The following APOB variants were observed in gnomAD, a reference collection of about 807,000 sequenced individuals.
APOB encodes apolipoprotein B-100.
Under a neutral mutation model 314.1 loss-of-function variants are expected in APOB, and 153 were observed. The observed-to-expected ratio is 0.49, with a 90% CI of 0.43 to 0.56. The LOEUF (loss-of-function observed/expected upper bound fraction) is 0.56, where lower values mean the gene tolerates loss of function less well. Among genes scored for constraint, APOB ranks in the 20% least tolerant of loss-of-function variants. APOB has a pLI of 0.00. For missense variants in APOB, 5,430 were observed against 5,350.7 expected (o/e 1.01, Z -0.46); for synonymous variants, 2,087 against 2,036.4 (o/e 1.02, Z -0.67).
chr2:21,011,190 C>A lies in APOB; in HGVS notation c.5678G>T (p.Ser1893Ile). The change falls in exon 26 of 29, where the codon AGC (serine) becomes ATC (isoleucine). Residue 1893 changes from serine to isoleucine, a missense_variant. Around this residue, in one of 3 missense-constraint regions of APOB, gnomAD observed 3,281 missense variants for 3,171.0 expected, o/e 1.03. Coordinates refer to ENST00000233242, the MANE Select transcript of APOB (RefSeq NM_000384.3). ...GGCCATTACAGAACGGAAGACATTG[C>A]TGAAATGCAGTGAGTCTGAATTATA... ...TNYNSDSLHF[S>I]NVFRSVMAPF... 1.2e-6 allele frequency: 2 copies of A among 1,614,148 alleles called. No individual in the cohort carries two copies. The highest frequency in any genetic ancestry group is 1.7e-6 in the Non-Finnish European group (2 of 1,180,022).
rs1289350531 is a variant in APOB, at chr2:21,006,622, A to G, written c.10246T>C (p.Leu3416=). 12 of 1,613,946 alleles carry G rather than the reference A, an allele frequency of 7.4e-6. No individual in the cohort carries two copies. The highest frequency in any genetic ancestry group is 1.0e-5 in the Non-Finnish European group (12 of 1,179,976). The change falls in exon 26 of 29, where the codon TTA becomes CTA. Residue 3416 remains leucine (L), a synonymous_variant. Coordinates refer to ENST00000233242, the MANE Select transcript of APOB (RefSeq NM_000384.3). ...VEGSHNSTVS[L]TTKNMEVSVA... Reference sequence around the variant, plus strand: ...GACACTTCCATATTTTTCGTGGTTAAGCTCACAGTACTGTTATGACTACCC... The same window carrying G: ...GACACTTCCATATTTTTCGTGGTTAGGCTCACAGTACTGTTATGACTACCC...
Position 21,014,971 on chromosome 2 carries a change from T to C in APOB, c.3696+102A>G. On this transcript the variant is annotated intron_variant, in intron 23 of 28. Coordinates refer to ENST00000233242, the MANE Select transcript of APOB (RefSeq NM_000384.3). The stretch of plus-strand genomic sequence containing the variant: ...AGAATTCCCTGGGGGGAAGGAAGCA[T>C]GCCTTATACATCTTTGGAAACCTTC... 3 of 1,229,126 alleles carry C rather than the reference T, an allele frequency of 2.4e-6. No individual in the cohort carries two copies. In the East Asian group the frequency reaches 7.0e-5, roughly 29 times the overall value. 76.1% of individuals were successfully genotyped at this position (1,229,126 alleles called of 1,614,324 possible).
intron 13 of APOB, 95 bp downstream of exon 13, chr2:21,028,232 A>G (rs768957028): frequency 8.0e-7 from 1 of 1,248,222 alleles, no homozygotes; most frequent in Non-Finnish European, 1.2e-6. Flanking sequence ...TGTTTGTTTC[A>G]GAAGCAAGGG....
At chr2:21,021,270 C>A (rs1663600080) in intron 18 of APOB, among the ~76,000 whole-genome samples, 1 of 152,168 alleles carries the variant, frequency 6.6e-6, no homozygotes, top group Non-Finnish European at 1.5e-5. Context: ...CCCAGTTAAT[C>A]ACCCAGTACT....
chr2:21,009,693 T>C lies in APOB; in HGVS notation c.7175A>G (p.Lys2392Arg). ...AGCATCATCAATAAATCCAACCAAT[T>C]TCTCAAAGTAATCTTTTATCTTAAC... is the stretch of plus-strand genomic sequence containing the variant. ...QQVKIKDYFE[K>R]LVGFIDDAVK... The change falls in exon 26 of 29, where the codon AAA becomes AGA. Residue 2392 changes from lysine to arginine, a missense_variant. Around this residue, in one of 3 missense-constraint regions of APOB, gnomAD observed 3,281 missense variants for 3,171.0 expected, o/e 1.03. Coordinates refer to ENST00000233242, the MANE Select transcript of APOB (RefSeq NM_000384.3). 1 of 1,613,340 alleles carries C rather than the reference T, an allele frequency of 6.2e-7. No individual in the cohort carries two copies. The highest frequency in any genetic ancestry group is 8.5e-7 in the Non-Finnish European group (1 of 1,179,574).
chr2:21,010,366 T>G lies in APOB; in HGVS notation c.6502A>C (p.Asn2168His), dbSNP rs1296649515. ...IALDDAKINFNEKLSQLQTYM... is the reference protein window; with the variant it reads ...IALDDAKINFHEKLSQLQTYM... ...GTCTGCAGTTGAGATAGTTTTTCAT[T>G]AAAGTTGATTTTGGCATCATCTAAT... Residue 2168 changes from asparagine to histidine, a missense_variant, in exon 26 of 29, where the codon AAT (asparagine) becomes CAT (histidine). By Grantham distance (68) the Asn-to-His change is moderately conservative. This residue lies in a region of APOB where 3,281 missense variants were observed against 3,171.0 expected (regional missense o/e 1.03). Transcript: ENST00000233242. 2 of 1,579,962 alleles carry G rather than the reference T, an allele frequency of 1.3e-6. No individual in the cohort carries two copies. The highest frequency in any genetic ancestry group is 2.7e-5 in the African/African-American group (2 of 73,742).
intron 18 of APOB, among the ~76,000 whole-genome samples, chr2:21,022,563 A>G (rs1663638091): frequency 1.3e-5 from 2 of 152,254 alleles, no homozygotes; most frequent in Non-Finnish European, 1.5e-5. Flanking sequence ...AAAACTAATT[A>G]AGCAGTAGGT....
At chr2:21,039,862 A>G (rs1664090071) in intron 4 of APOB, among the ~76,000 whole-genome samples, 1 of 152,198 alleles carries the variant, frequency 6.6e-6, no homozygotes, top group Non-Finnish European at 1.5e-5. Flanking sequence ...ATAGGAAAGA[A>G]AGAAGCCTCA....
chr2:21,007,846 C>T lies in APOB; in HGVS notation c.9022G>A (p.Ala3008Thr), dbSNP rs760938593. The T allele has an allele frequency of 4.3e-6, 7 of 1,613,934 alleles. No homozygotes were observed. The highest frequency in any genetic ancestry group is 2.7e-5 in the African/African-American group (2 of 74,918). The change falls in exon 26 of 29, where the codon GCA becomes ACA. Residue 3008 changes from alanine to threonine, a missense_variant. By Grantham distance (58) the Ala-to-Thr change is moderately conservative. Around this residue, in one of 3 missense-constraint regions of APOB, gnomAD observed 3,281 missense variants for 3,171.0 expected, o/e 1.03. Transcript: ENST00000233242. Reference protein sequence around the residue: ...GHSVLTAKGMALFGEGKAEFT... With the variant: ...GHSVLTAKGMTLFGEGKAEFT... ...TCTGCCTTCCCTTCTCCAAACAGTG[C>T]CATGCCTTTAGCAGTTAGAACACTG...
rs1663697324 is a variant in APOB, at chr2:21,024,995, G to A, written c.2374C>T (p.Leu792Phe). 6.2e-7 allele frequency: 1 copy of A among 1,614,250 alleles called. No individual in the cohort carries two copies. The highest frequency in any genetic ancestry group is 8.5e-7 in the Non-Finnish European group (1 of 1,180,040). ...AGAAGCAGCTTTCCCAGGAGCTGGA[G>A]GTCATGGAGACTGGCAAAACCAAGC... ...EELGFASLHD[L>F]QLLGKLLLMG... The change falls in exon 16 of 29, where the codon CTC becomes TTC. Residue 792 changes from leucine (L) to phenylalanine (F), a missense_variant. Leu to Phe is a conservative substitution (Grantham distance 22). This residue lies in a region of APOB where 2,085 missense variants were observed against 2,079.7 expected (regional missense o/e 1.00). Coordinates refer to ENST00000233242, the MANE Select transcript of APOB (RefSeq NM_000384.3).
chr2:21,028,435 A>G lies in APOB; in HGVS notation c.1721T>C (p.Ile574Thr). 3.1e-6 allele frequency: 5 copies of G among 1,614,092 alleles called. No individual in the cohort carries two copies. Among genetic ancestry groups the G allele is most frequent in the Non-Finnish European group, 3.4e-6 (4 of 1,179,940 alleles). ...MLMRSPSQAD[I>T]NKIVQILPWE... ...TGGTAGAATTTGGACAATTTTGTTA[A>G]TATCTGCCTGTGAAGGACTCCTCAT... The change falls in exon 13 of 29, where the codon ATT becomes ACT. Residue 574 changes from isoleucine (I) to threonine (T), a missense_variant. Around this residue, in one of 3 missense-constraint regions of APOB, gnomAD observed 2,085 missense variants for 2,079.7 expected, o/e 1.00. Transcript: ENST00000233242.
chr2:21,026,675 C>T, intron 15 of APOB, 113 bp downstream of exon 15: 1 of 926,326 alleles, frequency 1.1e-6, no homozygotes, highest in Non-Finnish European at 1.8e-6. Context: ...TGATAAAAAC[C>T]ATAGTTATCC....
intron 4 of APOB, among the ~76,000 whole-genome samples, chr2:21,038,832 G>A (rs1163484663): frequency 6.6e-6 from 1 of 152,196 alleles, no homozygotes; most frequent in Non-Finnish European, 1.5e-5. Context: ...TTTTATACAA[G>A]TGGCATTGTA....
chr2:21,029,580 T>C, intron 12 of APOB, 59 bp downstream of exon 12: 1 of 1,584,854 alleles, frequency 6.3e-7, no homozygotes, highest in Non-Finnish European at 8.7e-7. Context: ...ATTCCCCTAG[T>C]ACCTTCCAAA....
In APOB at chr2:21,007,761, G is replaced by T. The variant is rs2103353443; in HGVS notation, c.9107C>A (p.Ser3036Tyr). 6.2e-7 allele frequency: 1 copy of T among 1,614,018 alleles called. No homozygotes were observed. The highest frequency in any genetic ancestry group is 8.5e-7 in the Non-Finnish European group (1 of 1,179,932). ...AAATGGCTGGGCTGAAAAGAAAAGA[G>T]AATTTTTCAAAGTTCCAATAACCTT... ...NGKVIGTLKN[S>Y]LFFSAQPFEI... Residue 3036 changes from serine to tyrosine, a missense_variant, in exon 26 of 29, where the codon TCT (serine) becomes TAT (tyrosine). Transcript: ENST00000233242.
chr2:21,028,903 T>C lies in APOB; in HGVS notation c.1618-365A>G, dbSNP rs573778355. 2.6e-5 allele frequency among the ~76,000 whole-genome samples: 4 copies of C among 152,280 alleles called. No homozygotes were observed. The East Asian group carries it at 5.8e-4, about 22-fold the overall frequency. ...GTAGTAAGAGTTTGGGGCTAATAAA[T>C]AGGGTAGTTTCCAAAGTTCTGGAGT... On this transcript the variant is annotated intron_variant, in intron 12 of 28. Coordinates refer to ENST00000233242, the MANE Select transcript of APOB (RefSeq NM_000384.3).
In APOB at chr2:21,013,169, T is replaced by C. The variant is rs1439624189; in HGVS notation, c.4207A>G (p.Asn1403Asp). 1 of 1,613,696 alleles carries C rather than the reference T, an allele frequency of 6.2e-7. No homozygotes were observed. Among genetic ancestry groups the C allele is most frequent in the African/African-American group, 1.3e-5 (1 of 74,884 alleles). ...CCTGAGCATAGCTCACCTTGCACAT[T>C]GTAGGAAAGCAGGTCAACCACAGAG... is the stretch of plus-strand genomic sequence containing the variant. ...ADSVVDLLSY[N>D]VQGSGETTYD... Residue 1403 changes from asparagine (N) to aspartate (D), a missense_variant, in exon 25 of 29, where the codon AAT becomes GAT. Asn to Asp is a conservative substitution (Grantham distance 23). Around this residue, in one of 3 missense-constraint regions of APOB, gnomAD observed 2,085 missense variants for 2,079.7 expected, o/e 1.00. Coordinates refer to ENST00000233242, the MANE Select transcript of APOB (RefSeq NM_000384.3).
chr2:21,017,010 T>G (rs567725520), intron 20 of APOB, among the ~76,000 whole-genome samples: 1 of 134,262 alleles, frequency 7.4e-6, no homozygotes, highest in Admixed American at 7.8e-5. Context: ...AATAAATAAA[T>G]AAATAAACAA....
Position 21,005,450 on chromosome 2 carries a change from G to C in APOB, c.11418C>G (p.Ser3806=), listed in dbSNP as rs1663100949. Residue 3806 remains serine, a synonymous_variant, in exon 26 of 29, where the codon TCC becomes TCG. Transcript: ENST00000233242. ...CGGTTATCTCAAAAAAGGGAATCAAGGAGTCTTCTGGTTGAGAATATTTTG... is the reference window on the plus strand; with the variant it reads ...CGGTTATCTCAAAAAAGGGAATCAACGAGTCTTCTGGTTGAGAATATTTTG... ...VLTKYSQPED[S]LIPFFEITVP... The C allele has an allele frequency of 8.1e-6, 13 of 1,614,058 alleles. No homozygotes were observed. The highest frequency in any genetic ancestry group is 1.7e-5 in the Admixed American group (1 of 60,008).
Sources: gnomAD v4.1 joint callset for allele counts (sites outside exome capture counted in the v4.1 genomes callset) on GRCh38, gnomAD v4.1.1 for gene constraint, gnomAD v4.1.1 regional missense constraint, MANE v1.5 for transcripts, NCBI Gene and HGNC (gene_info 2026-07-23, HGNC 2026-07-21) for gene names.